Variants in ETV6 observed in about 807,000 individuals in gnomAD.
ETV6 encodes the protein transcription factor ETV6.
ETV6 carries 16 observed loss-of-function variants against 51.1 expected under a neutral mutation model. That is an observed-to-expected ratio of 0.31 (90% confidence interval 0.21 to 0.48). The LOEUF (loss-of-function observed/expected upper bound fraction) is 0.48, where lower values mean the gene tolerates loss of function less well. Among genes scored for constraint, ETV6 ranks in the 20% least tolerant of loss-of-function variants. ETV6 has a pLI of 0.99. For missense variants in ETV6, 458 were observed against 594.8 expected (o/e 0.77, Z 2.39); for synonymous variants, 240 against 224.1 (o/e 1.07, Z -0.64).
At chr12:11,697,177 T>C (rs1042018324) in intron 1 of ETV6, among the ~76,000 whole-genome samples, 3 of 152,124 alleles carry the variant, frequency 2.0e-5, no homozygotes, top group Non-Finnish European at 4.4e-5. Context: ...TTTGTTGCCA[T>C]GACTTGGCTG....
At chr12:11,799,925 T>C (rs1411295286) in intron 2 of ETV6, among the ~76,000 whole-genome samples, 1 of 152,182 alleles carries the variant, frequency 6.6e-6, no homozygotes, top group African/African-American at 2.4e-5. Context: ...CACCATGCCC[T>C]GCTAATTTTT....
intron 1 of ETV6, among the ~76,000 whole-genome samples, chr12:11,671,621 T>C (rs989968294): frequency 6.6e-6 from 1 of 152,170 alleles, no homozygotes; most frequent in African/African-American, 2.4e-5. Flanking sequence ...TCAATAAAAA[T>C]AAATAAATTC....
Position 11,684,452 on chromosome 12 carries a change from C to T in ETV6, c.33+34292C>T, listed in dbSNP as rs560101010. ...TAAATAGATGGAATATTACCTGTTTCATTTTTACATTCAGGCCTTAAGATT... is the reference window on the plus strand; with the variant it reads ...TAAATAGATGGAATATTACCTGTTTTATTTTTACATTCAGGCCTTAAGATT... On this transcript the variant is annotated intron_variant, in intron 1 of 7. Coordinates refer to ENST00000396373, the MANE Select transcript of ETV6 (RefSeq NM_001987.5). Among the ~76,000 whole-genome samples, 16 of 152,328 alleles carry T rather than the reference C, an allele frequency of 1.1e-4. No homozygotes were observed. In the South Asian group the frequency reaches 2.9e-3, roughly 28 times the overall value.
chr12:11,847,107 C>G (rs545064132), intron 3 of ETV6, among the ~76,000 whole-genome samples: 1 of 152,206 alleles, frequency 6.6e-6, no homozygotes, highest in Non-Finnish European at 1.5e-5. Context: ...GTGACATTAA[C>G]TAAGGTGAGG....
At chr12:11,750,958 T>C (rs1866014722) in intron 1 of ETV6, 18 of 440,602 alleles carry the variant, frequency 4.1e-5, no homozygotes, top group South Asian at 3.0e-4. Context: ...TTACAGGACA[T>C]CTTAATTGAC....
At chr12:11,702,614 C>A (rs1166045496) in intron 1 of ETV6, among the ~76,000 whole-genome samples, 1 of 144,642 alleles carries the variant, frequency 6.9e-6, no homozygotes, top group Admixed American at 6.9e-5. Context: ...CTCTTGGTAA[C>A]AAAAGAAGTC....
intron 1 of ETV6, among the ~76,000 whole-genome samples, chr12:11,725,384 A>G (rs1865469537): frequency 6.6e-6 from 1 of 152,156 alleles, no homozygotes; most frequent in Non-Finnish European, 1.5e-5. Context: ...ATTTTGACCT[A>G]TTTTGTAACA....
At chr12:11,823,961 C>A (rs2136440211) in intron 2 of ETV6, among the ~76,000 whole-genome samples, 1 of 152,286 alleles carries the variant, frequency 6.6e-6, no homozygotes, top group South Asian at 2.1e-4. Context: ...GCTGTAACCC[C>A]CTTTGGTGGG....
chr12:11,859,139 T>C (rs1473461699), intron 4 of ETV6, among the ~76,000 whole-genome samples: 17 of 101,318 alleles, frequency 1.7e-4, no homozygotes, highest in African/African-American at 5.0e-4. Context: ...TTTTTTTTTT[T>C]TTTTTTTTTT....
intron 2 of ETV6, among the ~76,000 whole-genome samples, chr12:11,802,953 T>C (rs1210053162): frequency 6.6e-6 from 1 of 152,218 alleles, no homozygotes; most frequent in African/African-American, 2.4e-5. Context: ...TGACTCCTTG[T>C]CTTCAATCTA....
chr12:11,809,310 A>G (rs1253819631), intron 2 of ETV6, among the ~76,000 whole-genome samples: 3 of 152,170 alleles, frequency 2.0e-5, no homozygotes, highest in African/African-American at 7.2e-5. Context: ...AGGAAAAACA[A>G]GAGAACTGAA....
chr12:11,766,487 C>T (rs1945162730), intron 2 of ETV6, among the ~76,000 whole-genome samples: 1 of 152,156 alleles, frequency 6.6e-6, no homozygotes, highest in Non-Finnish European at 1.5e-5. Context: ...TTATATCCGT[C>T]CCCCCACACC....
intron 3 of ETV6, 66 bp downstream of exon 3, chr12:11,839,370 A>T: frequency 6.7e-7 from 1 of 1,495,022 alleles, no homozygotes. Context: ...TTGGTCTTTA[A>T]CACCCCTCAC....
chr12:11,885,225 T>A (rs916034564), intron 6 of ETV6, among the ~76,000 whole-genome samples: 5 of 152,172 alleles, frequency 3.3e-5, no homozygotes, highest in African/African-American at 1.2e-4. Context: ...GTTGGCATGG[T>A]GGCACAACCC....
chr12:11,737,959 G>T (rs1865735175), intron 1 of ETV6, among the ~76,000 whole-genome samples: 1 of 152,088 alleles, frequency 6.6e-6, no homozygotes, highest in Non-Finnish European at 1.5e-5. Flanking sequence ...TTTTAGCCTT[G>T]CAGGGAAGGG....
intron 3 of ETV6, among the ~76,000 whole-genome samples, chr12:11,850,546 TGTGGTGGTGGTG>T (rs200242282): frequency 6.7e-6 from 1 of 150,200 alleles, no homozygotes. Flanking sequence ...TGGGAGTGTT[TGTGGTGGTGGTG>T]GTAGTGGTGG....
Position 11,843,222 on chromosome 12 carries a change from A to T in ETV6, c.328+3918A>T, listed in dbSNP as rs376193284. ...AGACAACTAAGTTGGAGTTGAGAAG[A>T]CCCATCTGATGAAGGGGTCACTCAG... On this transcript the variant is annotated intron_variant, in intron 3 of 7. Coordinates refer to ENST00000396373, the MANE Select transcript of ETV6 (RefSeq NM_001987.5). 1.9e-3 allele frequency among the ~76,000 whole-genome samples: 284 copies of T among 152,278 alleles called. 4 individuals are homozygous for T. Among genetic ancestry groups the T allele is most frequent in the African/African-American group, 6.5e-3 (271 of 41,556 alleles).
intron 3 of ETV6, among the ~76,000 whole-genome samples, chr12:11,852,436 CA>C (rs1946571160): frequency 6.6e-6 from 1 of 152,128 alleles, no homozygotes; most frequent in Non-Finnish European, 1.5e-5. Context: ...GAATAGTTAC[CA>C]CCTCTAACCG....
chr12:11,661,635 A>G (rs1252402945), intron 1 of ETV6, among the ~76,000 whole-genome samples: 1 of 152,240 alleles, frequency 6.6e-6, no homozygotes, highest in Non-Finnish European at 1.5e-5. Flanking sequence ...CCTGGACAAC[A>G]GCCAGCTCCT....
Sources: allele counts gnomAD v4.1 joint callset (sites outside exome capture counted in the v4.1 genomes callset), GRCh38; gene constraint gnomAD v4.1.1; transcripts MANE v1.5; gene names NCBI Gene and HGNC (gene_info 2026-07-23, HGNC 2026-07-21).